Variants in YLPM1 observed in about 807,000 individuals in gnomAD.
YLPM1 encodes the protein YLP motif containing 1.
A neutral mutation model predicts 230.0 loss-of-function variants in YLPM1; 99 were observed. The observed-to-expected ratio is 0.43, with a 90% CI of 0.37 to 0.51. YLPM1 has a LOEUF of 0.51. Among genes scored for constraint, YLPM1 ranks in the 20% least tolerant of loss-of-function variants. The pLI is 0.00. For synonymous variants in YLPM1, 984 were observed against 942.5 expected, an observed-to-expected ratio of 1.04 and a Z score of -0.81; for missense variants, 2,592 against 2,707.7, an observed-to-expected ratio of 0.96 and a Z score of 0.95.
At chr14:74,810,452 C>G in intron 9 of YLPM1, 32 bp downstream of exon 9, 1 of 1,599,466 alleles carries the variant, frequency 6.3e-7, no homozygotes, top group South Asian at 1.1e-5. Flanking sequence ...GCTAGGTGTA[C>G]AAATTACTGT....
At chr14:74,820,451 T>A (rs1363729687) in intron 16 of YLPM1, among the ~76,000 whole-genome samples, 1 of 152,136 alleles carries the variant, frequency 6.6e-6, no homozygotes, top group Admixed American at 6.5e-5. Context: ...TCTCACTATG[T>A]TGCCCAGGCT....
chr14:74,809,473 G>C lies in YLPM1; in HGVS notation c.4615G>C (p.Val1539Leu), dbSNP rs139645102. 8,418 of 1,590,646 alleles carry C rather than the reference G, an allele frequency of 5.3e-3. 38 individuals carry two copies. The highest frequency in any genetic ancestry group is 0.024 in the Middle Eastern group (147 of 6,036). The change falls in exon 7 of 21, where the codon GTG becomes CTG. Residue 1539 changes from valine to leucine, a missense_variant. Around this residue, in one of 4 missense-constraint regions of YLPM1, gnomAD observed 403 missense variants for 426.7 expected, o/e 0.94. Transcript: ENST00000325680. ...TCCACCAGCAAGATCATCTGTTCCT[G>C]TGACCAGGCCACCTGTCCCAATACC... ...SAPPARSSVP[V>L]TRPPVPIPPP...
chr14:74,802,893 C>T (rs1237237148), intron 6 of YLPM1, among the ~76,000 whole-genome samples: 1 of 152,082 alleles, frequency 6.6e-6, no homozygotes, highest in Non-Finnish European at 1.5e-5. Context: ...TTGATAAGTA[C>T]ACCAAGTACA....
chr14:74,763,430 C>G lies in YLPM1; in HGVS notation c.-60C>G. The G allele has an allele frequency of 1.5e-6, 2 of 1,369,638 alleles. No homozygotes were observed. The highest frequency in any genetic ancestry group is 1.9e-6 in the Non-Finnish European group (2 of 1,053,818). 84.8% of individuals were successfully genotyped at this position (1,369,638 alleles called of 1,614,324 possible). On this transcript the variant is annotated 5_prime_UTR_variant, in exon 1 of 21. Coordinates refer to ENST00000325680, the MANE Select transcript of YLPM1 (RefSeq NM_019589.3). Reference sequence around the variant, plus strand: ...GCTGTCGCCGTCGCCGCCGCGGCTCCTGGAGGTCGGTTGCGACGAGTAACG... The same window carrying G: ...GCTGTCGCCGTCGCCGCCGCGGCTCGTGGAGGTCGGTTGCGACGAGTAACG...
intron 5 of YLPM1, among the ~76,000 whole-genome samples, chr14:74,801,442 A>G (rs1181522022): frequency 6.6e-6 from 1 of 152,208 alleles, no homozygotes; most frequent in Non-Finnish European, 1.5e-5. Context: ...GATTTTACCT[A>G]TGTTTAAGGT....
chr14:74,810,536 G>A, intron 9 of YLPM1, 116 bp downstream of exon 9: 1 of 1,100,616 alleles, frequency 9.1e-7, no homozygotes, highest in East Asian at 2.5e-5. Context: ...TATGTAATTT[G>A]GAGGGGGAAG....
chr14:74,769,653 G>C (rs927764772), intron 1 of YLPM1, among the ~76,000 whole-genome samples: 1 of 150,896 alleles, frequency 6.6e-6, no homozygotes, highest in Admixed American at 6.6e-5. Flanking sequence ...TTGAACTCCT[G>C]ACCTCGTGAT....
intron 19 of YLPM1, among the ~76,000 whole-genome samples, chr14:74,833,689 A>G (rs76292561): frequency 9.8e-4 from 149 of 152,318 alleles, no homozygotes; most frequent in African/African-American, 3.4e-3. Flanking sequence ...TAGGTTTTCT[A>G]TACACTAAAA....
At chr14:74,819,104 G>A (rs559949008) in intron 16 of YLPM1, among the ~76,000 whole-genome samples, 3 of 152,200 alleles carry the variant, frequency 2.0e-5, no homozygotes, top group African/African-American at 7.2e-5. Context: ...TTTGTGATAA[G>A]TAATCTGTAG....
At chr14:74,778,413 C>T (rs1180627492) in intron 1 of YLPM1, 34 bp from the exon 2 acceptor site, 5 of 1,544,012 alleles carry the variant, frequency 3.2e-6, no homozygotes, top group Non-Finnish European at 4.4e-6. Context: ...ACATGATTGT[C>T]AATCAAAATT....
chr14:74,782,862 C>T (rs1038906412), intron 4 of YLPM1, among the ~76,000 whole-genome samples: 1 of 151,990 alleles, frequency 6.6e-6, no homozygotes, highest in Admixed American at 6.6e-5. Flanking sequence ...AATTCCTGCC[C>T]CCATGGAGCT....
At chr14:74,805,223 A>G (rs887403700) in intron 6 of YLPM1, among the ~76,000 whole-genome samples, 1 of 151,788 alleles carries the variant, frequency 6.6e-6, no homozygotes, top group African/African-American at 2.4e-5. Flanking sequence ...GGTTTTACCA[A>G]TTGGCCAGGC....
At position 74,781,886 on chromosome 14, in the gene YLPM1, C is replaced by A. The variant is rs1420805662; in HGVS notation, c.1843C>A (p.Pro615Thr). Reference sequence around the variant, plus strand: ...CCCACCATCTCTCTCTTCAACAGCACCTCCACCTGTCATGCCCCTCCCACC... The same window carrying A: ...CCCACCATCTCTCTCTTCAACAGCAACTCCACCTGTCATGCCCCTCCCACC... ...LPPPSLSSTA[P>T]PPVMPLPPLS... Residue 615 changes from proline (P) to threonine (T), a missense_variant, in exon 4 of 21, where the codon CCT becomes ACT. Pro to Thr is a conservative substitution (Grantham distance 38, BLOSUM62 -1). Transcript: ENST00000325680. 1 of 1,613,734 alleles carries A rather than the reference C, an allele frequency of 6.2e-7. No homozygotes were observed. The highest frequency in any genetic ancestry group is 2.2e-5 in the East Asian group (1 of 44,874).
intron 16 of YLPM1, among the ~76,000 whole-genome samples, chr14:74,819,032 G>A (rs1165632888): frequency 6.6e-6 from 1 of 152,026 alleles, no homozygotes; most frequent in African/African-American, 2.4e-5. Context: ...CTCATTATTG[G>A]TGATTTAAGC....
rs2091635939 is a variant in YLPM1, at chr14:74,835,372, C to T, written c.6402C>T (p.His2134=). Residue 2134 remains histidine, a synonymous_variant, in exon 20 of 21, where the codon CAC becomes CAT. Coordinates refer to ENST00000325680, the MANE Select transcript of YLPM1 (RefSeq NM_019589.3). ...DWEKITDESG[H]LAEKALNRTK... Reference sequence around the variant, plus strand: ...AGAAGATCACAGATGAAAGTGGTCACCTGGCTGAAAAAGCCCTCAATCGAA... The same window carrying T: ...AGAAGATCACAGATGAAAGTGGTCATCTGGCTGAAAAAGCCCTCAATCGAA... 1.2e-6 allele frequency: 2 copies of T among 1,613,706 alleles called. No individual in the cohort carries two copies. The highest frequency in any genetic ancestry group is 1.1e-5 in the South Asian group (1 of 91,068).
chr14:74,817,328 G>A, intron 15 of YLPM1, 51 bp downstream of exon 15: 1 of 1,488,358 alleles, frequency 6.7e-7, no homozygotes, highest in Non-Finnish European at 9.1e-7. Context: ...GCTGCATAAT[G>A]ATGTTTTGGT....
At position 74,778,621 on chromosome 14, in the gene YLPM1, G is replaced by T; in HGVS notation, c.1048G>T (p.Glu350Ter). The T allele has an allele frequency of 1.9e-6, 3 of 1,595,436 alleles. No individual in the cohort carries two copies. Among genetic ancestry groups the T allele is most frequent in the East Asian group, 4.6e-5 (2 of 43,676 alleles). The change falls in exon 2 of 21, where the codon GAG becomes TAG. Residue 350 changes from glutamate (E) to a stop codon, truncating the protein, a stop_gained. Transcript: ENST00000325680. LOFTEE classifies it high-confidence loss of function. ...AGTTCCAGAATCTCCTTCTTCTGAG[G>T]AGCCCCCATTGCCACCTCCAAATGA... ...SQVPESPSSEEPPLPPPNEEV... is the reference protein window; with the variant it reads ...SQVPESPSSE
At chr14:74,766,634 C>G (rs2090914128) in intron 1 of YLPM1, among the ~76,000 whole-genome samples, 1 of 126,058 alleles carries the variant, frequency 7.9e-6, no homozygotes, top group Non-Finnish European at 1.8e-5. Flanking sequence ...CCATGCCTGG[C>G]TATTTTTTTT....
At position 74,799,431 on chromosome 14, in the gene YLPM1, A is replaced by C. The variant is rs752947645; in HGVS notation, c.4134A>C (p.Glu1378Asp). The C allele has an allele frequency of 9.9e-6, 16 of 1,613,936 alleles. No individual in the cohort carries two copies. The highest frequency in any genetic ancestry group is 1.4e-5 in the Non-Finnish European group (16 of 1,179,898). Residue 1378 changes from glutamate to aspartate, a missense_variant, in exon 5 of 21, where the codon GAA becomes GAC. Glu to Asp is a conservative substitution (Grantham distance 45). This residue lies in a region of YLPM1 where 1,862 missense variants were observed against 1,819.8 expected (regional missense o/e 1.02). Coordinates refer to ENST00000325680, the MANE Select transcript of YLPM1 (RefSeq NM_019589.3). ...AGTTGAGGATTCGAGAGTATCCAGA[A>C]AGAGGAGATACATGGCGGGAAAAGC... ...RGELRIREYP[E>D]RGDTWREKRD...
Sources: allele counts gnomAD v4.1 joint callset (sites outside exome capture counted in the v4.1 genomes callset), GRCh38; gene constraint gnomAD v4.1.1; regional missense constraint gnomAD v4.1.1; transcripts MANE v1.5; gene names NCBI Gene and HGNC (gene_info 2026-07-23, HGNC 2026-07-21).